Variants in PTPRT observed in about 807,000 individuals in gnomAD.
PTPRT encodes the protein protein tyrosine phosphatase receptor type T, also known as receptor-type tyrosine-protein phosphatase T.
A neutral mutation model predicts 176.8 loss-of-function variants in PTPRT; 56 were observed. That is an observed-to-expected ratio of 0.32 (90% CI 0.26 to 0.40). The LOEUF (loss-of-function observed/expected upper bound fraction) is 0.40, where lower values mean the gene tolerates loss of function less well. Among genes scored for constraint, PTPRT ranks in the 10% least tolerant of loss-of-function variants. The pLI is 1.00. For synonymous variants in PTPRT, 783 were observed against 739.0 expected, an observed-to-expected ratio of 1.06 and a Z score of -0.96; for missense variants, 1,540 against 1,908.2, an observed-to-expected ratio of 0.81 and a Z score of 3.60.
intron 2 of PTPRT, among the ~76,000 whole-genome samples, chr20:42,879,216 T>TA (rs2078977525): frequency 6.6e-6 from 1 of 152,162 alleles, no homozygotes. Context: ...AACAGAAACC[T>TA]ATTGTCTCAC....
chr20:42,930,440 C>G (rs1054214759), intron 1 of PTPRT, among the ~76,000 whole-genome samples: 4 of 152,132 alleles, frequency 2.6e-5, no homozygotes, highest in African/African-American at 9.7e-5. Flanking sequence ...AGTCTTCTAC[C>G]CTTGTGCACA....
Position 42,997,404 on chromosome 20 carries a change from A to G in PTPRT, c.89-111472T>C, listed in dbSNP as rs186484781. Among the ~76,000 whole-genome samples, 626 of 152,038 alleles carry G rather than the reference A, an allele frequency of 4.1e-3. 3 individuals are homozygous for G. Among genetic ancestry groups the G allele is most frequent in the African/African-American group, 0.015 (601 of 41,346 alleles). The stretch of plus-strand genomic sequence containing the variant: ...AAACACAGCCTCCATACTGTGAGGA[A>G]GCCCAAGCAGTTCAAGAAGAGGCAC... On this transcript the variant is annotated intron_variant, in intron 1 of 30. Transcript: ENST00000373187.
intron 7 of PTPRT, among the ~76,000 whole-genome samples, chr20:42,642,015 G>A (rs1349192191): frequency 6.6e-6 from 1 of 152,130 alleles, no homozygotes; most frequent in East Asian, 1.9e-4. Flanking sequence ...AAGATGCAGG[G>A]AACTACAAGG....
intron 4 of PTPRT, among the ~76,000 whole-genome samples, chr20:42,776,556 C>T (rs1222235633): frequency 6.6e-6 from 1 of 152,148 alleles, no homozygotes; most frequent in African/African-American, 2.4e-5. Context: ...CGGTGGCCAA[C>T]ACCTTGACCT....
chr20:43,101,681 G>A lies in PTPRT; in HGVS notation c.88+87965C>T, dbSNP rs1600714318. Reference sequence around the variant, plus strand: ...CACAGATGCTCAGGTGTTACAAGTAGTGGGAGGGAGACGGCACAATATGGG... The same window carrying A: ...CACAGATGCTCAGGTGTTACAAGTAATGGGAGGGAGACGGCACAATATGGG... On this transcript the variant is annotated intron_variant, in intron 1 of 30. Transcript: ENST00000373187. Among the ~76,000 whole-genome samples, 3 of 152,304 alleles carry A rather than the reference G, an allele frequency of 2.0e-5. No homozygotes were observed. In the East Asian group the frequency reaches 5.8e-4, roughly 29 times the overall value.
In PTPRT at chr20:42,074,829, C is replaced by T. The variant is rs1311626127; in HGVS notation, c.*6050G>A. On this transcript the variant is annotated 3_prime_UTR_variant, in exon 31 of 31. Coordinates refer to ENST00000373187, the MANE Select transcript of PTPRT (RefSeq NM_007050.6). ...ATGCAAAAGACTGGCTTGATCTCTA[C>T]AAGACATCTCTATAGTCAGTGCCAT... 2.5e-6 allele frequency: 1 copy of T among 398,504 alleles called. No individual in the cohort carries two copies. Among genetic ancestry groups the T allele is most frequent in the Non-Finnish European group, 4.4e-6 (1 of 226,078 alleles). 24.7% of individuals were successfully genotyped at this position (398,504 alleles called of 1,614,324 possible). A position where few individuals can be genotyped will look rare whatever the true frequency, so the allele number is the denominator to read the frequency against.
At chr20:42,449,933 A>G (rs1273172410) in intron 8 of PTPRT, among the ~76,000 whole-genome samples, 1 of 152,196 alleles carries the variant, frequency 6.6e-6, no homozygotes, top group African/African-American at 2.4e-5. Flanking sequence ...AATTTTATTA[A>G]AAAAAGATAT....
intron 14 of PTPRT, among the ~76,000 whole-genome samples, chr20:42,238,058 C>G (rs1270310208): frequency 6.6e-6 from 1 of 152,194 alleles, no homozygotes; most frequent in East Asian, 1.9e-4. Flanking sequence ...TTTCTTTCAT[C>G]ATCTCATCTC....
intron 7 of PTPRT, among the ~76,000 whole-genome samples, chr20:42,520,611 T>C (rs1011689034): frequency 6.6e-6 from 1 of 152,086 alleles, no homozygotes; most frequent in African/African-American, 2.4e-5. Context: ...GGTCATTGCA[T>C]CTACATGCTT....
intron 7 of PTPRT, among the ~76,000 whole-genome samples, chr20:42,553,952 A>G (rs938637443): frequency 2.0e-5 from 3 of 152,144 alleles, no homozygotes. Flanking sequence ...AGATGATGTC[A>G]AAGTTTCTGG....
chr20:42,045,789 T>C, the PTPRT span, among the ~76,000 whole-genome samples: 1 of 152,136 alleles, frequency 6.6e-6, no homozygotes, highest in Non-Finnish European at 1.5e-5. Context: ...CAAGTCTCCC[T>C]TTCTCCTTTT....
intron 13 of PTPRT, among the ~76,000 whole-genome samples, chr20:42,271,144 C>T (rs2056927374): frequency 6.6e-6 from 1 of 152,140 alleles, no homozygotes; most frequent in African/African-American, 2.4e-5. Flanking sequence ...GCTCACAGGC[C>T]CTCCATGATG....
intron 2 of PTPRT, among the ~76,000 whole-genome samples, chr20:42,868,135 T>G (rs1458278476): frequency 6.6e-6 from 1 of 152,158 alleles, no homozygotes; most frequent in East Asian, 1.9e-4. Flanking sequence ...CTTTAGAGAT[T>G]CATGCTGCAA....
chr20:42,052,913 G>T, the PTPRT span, among the ~76,000 whole-genome samples: 32 of 152,256 alleles, frequency 2.1e-4, no homozygotes, highest in East Asian at 6.0e-3. Flanking sequence ...AATTAGAGCA[G>T]CAATTGGCTA....
At chr20:42,039,692 G>GTATATATATATATATATATATA in the PTPRT span, among the ~76,000 whole-genome samples, 1,719 of 113,108 alleles carry the variant, frequency 0.015, 95 homozygotes, top group African/African-American at 0.028. Context: ...ATTCTGTTGT[G>GTATATATATATATATATATATA]TATATATATA....
chr20:42,588,773 A>G (rs1157711043), intron 7 of PTPRT, among the ~76,000 whole-genome samples: 1 of 152,188 alleles, frequency 6.6e-6, no homozygotes, highest in Non-Finnish European at 1.5e-5. Context: ...AAAGACAGTT[A>G]AAACAGAAAC....
At chr20:42,184,598 T>TTCTTCC (rs1990686303) in intron 16 of PTPRT, among the ~76,000 whole-genome samples, 4 of 139,688 alleles carry the variant, frequency 2.9e-5, no homozygotes, top group South Asian at 4.7e-4. Flanking sequence ...CTTCTTCCTC[T>TTCTTCC]TCTTCTTCTT....
chr20:42,700,081 G>C (rs2425533), intron 6 of PTPRT, among the ~76,000 whole-genome samples: 3,494 of 152,228 alleles, frequency 0.023, 159 homozygotes, highest in African/African-American at 0.08. Context: ...GTGAATCCAG[G>C]AAAGCACTTA....
At position 42,721,508 on chromosome 20, in the gene PTPRT, C is replaced by T. The variant is rs182022230; in HGVS notation, c.859+34954G>A. Among the ~76,000 whole-genome samples the T allele has an allele frequency of 4.9e-4, 75 of 152,288 alleles. 1 individual carries two copies. In the East Asian group the frequency reaches 0.014, roughly 27 times the overall value. Reference sequence around the variant, plus strand: ...AGACAAGGGCTGGGGAGGGAGCAGTCGGGCTGGCCCTCAGGCTTCTGGTTG... The same window carrying T: ...AGACAAGGGCTGGGGAGGGAGCAGTTGGGCTGGCCCTCAGGCTTCTGGTTG... On this transcript the variant is annotated intron_variant, in intron 6 of 30. Coordinates refer to ENST00000373187, the MANE Select transcript of PTPRT (RefSeq NM_007050.6).
Sources: gnomAD v4.1 joint callset for allele counts (sites outside exome capture counted in the v4.1 genomes callset) on GRCh38, gnomAD v4.1.1 for gene constraint, MANE v1.5 for transcripts, NCBI Gene and HGNC (gene_info 2026-07-23, HGNC 2026-07-21) for gene names.